The following WDR72 variants were observed in gnomAD, a reference collection of about 807,000 sequenced individuals.
WDR72 encodes WD repeat domain 72.
In WDR72, 120 loss-of-function variants were observed where a neutral mutation model predicts 124.2. That is an observed-to-expected ratio of 0.97 (90% confidence interval 0.83 to 1.12). The LOEUF is 1.12. WDR72 is among the 50% of genes most tolerant of loss of function. WDR72 has a pLI of 0.00. For missense variants in WDR72, 1,387 were observed against 1,278.8 expected, an observed-to-expected ratio of 1.08 and a Z score of -1.29; for synonymous variants, 452 against 441.7, an observed-to-expected ratio of 1.02 and a Z score of -0.29.
Position 53,716,620 on chromosome 15 carries a change from T to C in WDR72, c.326A>G (p.His109Arg), listed in dbSNP as rs1396315349. The C allele has an allele frequency of 1.2e-6, 2 of 1,607,858 alleles. No homozygotes were observed. The highest frequency in any genetic ancestry group is 1.7e-5 in the Admixed American group (1 of 60,006). The stretch of plus-strand genomic sequence containing the variant: ...GAGTGTACTTACACAGATTGCAGTG[T>C]GCCTGTAAGGAAGTGTAGCCTTCTC... ...CMEKATLPYRHTAICYYHCSF... is the reference protein window; with the variant it reads ...CMEKATLPYRRTAICYYHCSF... The change falls in exon 4 of 20, where the codon CAC (histidine) becomes CGC (arginine). Residue 109 changes from histidine (H) to arginine (R), a missense_variant. Coordinates refer to ENST00000360509, the MANE Select transcript of WDR72 (RefSeq NM_182758.4).
At chr15:53,543,504 G>C (rs1893266983) in intron 18 of WDR72, among the ~76,000 whole-genome samples, 1 of 151,178 alleles carries the variant, frequency 6.6e-6, no homozygotes, top group African/African-American at 2.4e-5. Context: ...AGTGTGTAGA[G>C]GGAAATTTAT....
chr15:53,664,954 G>A (rs1292565370), intron 14 of WDR72, among the ~76,000 whole-genome samples: 1 of 152,044 alleles, frequency 6.6e-6, no homozygotes, highest in Non-Finnish European at 1.5e-5. Flanking sequence ...ATTTGGAGGT[G>A]AAAATACAAA....
intron 19 of WDR72, among the ~76,000 whole-genome samples, chr15:53,521,350 C>T (rs972108020): frequency 6.6e-6 from 1 of 152,134 alleles, no homozygotes; most frequent in Admixed American, 6.6e-5. Context: ...ACGATGTCTC[C>T]ATGACAACCA....
At chr15:53,711,036 G>C in intron 8 of WDR72, 83 bp from the exon 9 acceptor site, 1 of 1,175,028 alleles carries the variant, frequency 8.5e-7, no homozygotes, top group South Asian at 1.3e-5. Context: ...TTCAAAAGCC[G>C]GATGGTACCG....
intron 18 of WDR72, among the ~76,000 whole-genome samples, chr15:53,571,102 G>T (rs1436564249): frequency 6.6e-6 from 1 of 151,992 alleles, no homozygotes; most frequent in Non-Finnish European, 1.5e-5. Context: ...AGTACACAGG[G>T]ACACAAAAAT....
At chr15:53,555,311 G>A (rs1008251021) in intron 18 of WDR72, among the ~76,000 whole-genome samples, 1 of 151,752 alleles carries the variant, frequency 6.6e-6, no homozygotes, top group Non-Finnish European at 1.5e-5. Context: ...GAGGCAGGGC[G>A]GACCCACGAA....
intron 13 of WDR72, among the ~76,000 whole-genome samples, chr15:53,683,354 C>G (rs866425753): frequency 6.6e-6 from 1 of 152,058 alleles, no homozygotes; most frequent in Non-Finnish European, 1.5e-5. Flanking sequence ...TTGTTCCCAA[C>G]ACATAGAAAT....
In WDR72 at chr15:53,687,129, C is replaced by A. The variant is rs1330696473; in HGVS notation, c.1765+12621G>T. 4.0e-5 allele frequency among the ~76,000 whole-genome samples: 6 copies of A among 148,846 alleles called. 1 individual carries two copies. Among genetic ancestry groups the A allele is most frequent in the Admixed American group, 2.0e-4 (3 of 15,004 alleles). ...AAGCAGGAAAGATCCAAAATTGACACCCTAACATCACAATTAAAAGAACTA... is the reference window on the plus strand; with the variant it reads ...AAGCAGGAAAGATCCAAAATTGACAACCTAACATCACAATTAAAAGAACTA... On this transcript the variant is annotated intron_variant, in intron 13 of 19. Coordinates refer to ENST00000360509, the MANE Select transcript of WDR72 (RefSeq NM_182758.4).
intron 18 of WDR72, among the ~76,000 whole-genome samples, chr15:53,529,076 T>C (rs1235651682): frequency 1.3e-5 from 2 of 150,146 alleles, no homozygotes; most frequent in African/African-American, 4.9e-5. Context: ...CAAAAGGAAG[T>C]CTGCATAAAG....
chr15:53,546,975 C>T (rs1314509062), intron 18 of WDR72, among the ~76,000 whole-genome samples: 1 of 152,076 alleles, frequency 6.6e-6, no homozygotes, highest in Non-Finnish European at 1.5e-5. Flanking sequence ...GAAAGAAAAG[C>T]CATTAGACAA....
chr15:53,647,130 T>A (rs1419696795), intron 14 of WDR72, among the ~76,000 whole-genome samples: 1 of 152,118 alleles, frequency 6.6e-6, no homozygotes, highest in African/African-American at 2.4e-5. Context: ...TAGAAAATCA[T>A]ATAACTCCAT....
At chr15:53,683,858 C>A (rs2016492708) in intron 13 of WDR72, among the ~76,000 whole-genome samples, 1 of 152,048 alleles carries the variant, frequency 6.6e-6, no homozygotes, top group African/African-American at 2.4e-5. Context: ...TTCACTTATA[C>A]TTCCCAACTG....
chr15:53,713,423 A>ATTTTG lies in WDR72; in HGVS notation c.592-533_592-532insCAAAA, dbSNP rs1333949162. On this transcript the variant is annotated intron_variant, in intron 6 of 19. Transcript: ENST00000360509. The stretch of plus-strand genomic sequence containing the variant: ...ATTTTATTTTGTTGTATTTTATTTT[A>ATTTTG]TTTTATTTTATTTTATTTTATTTTA... Among the ~76,000 whole-genome samples the ATTTTG allele has an allele frequency of 3.0e-3, 389 of 128,152 alleles. 7 individuals are homozygous for ATTTTG. Among genetic ancestry groups the ATTTTG allele is most frequent in the African/African-American group, 0.01 (358 of 34,980 alleles). The allele number at this position is 128,152 out of a possible 152,430, so 84.1% of individuals were successfully genotyped here.
chr15:53,693,259 C>G (rs1000589176), intron 13 of WDR72, among the ~76,000 whole-genome samples: 1 of 152,098 alleles, frequency 6.6e-6, no homozygotes, highest in Non-Finnish European at 1.5e-5. Context: ...AAGAAGGTGA[C>G]CAAGTAAAAC....
rs141599038 is a variant in WDR72, at chr15:53,728,976, A to G, written c.153+4021T>C. ...GACTGAGGCACATCTTCAAACCCCTATTGAATACTTGGGCACTCTGAGACG... is the reference window on the plus strand; with the variant it reads ...GACTGAGGCACATCTTCAAACCCCTGTTGAATACTTGGGCACTCTGAGACG... On this transcript the variant is annotated intron_variant, in intron 2 of 19. Transcript: ENST00000360509. 6.6e-5 allele frequency among the ~76,000 whole-genome samples: 10 copies of G among 152,170 alleles called. No homozygotes were observed. In the South Asian group the frequency reaches 1.0e-3, roughly 16 times the overall value.
At chr15:53,665,822 A>G (rs952957945) in intron 13 of WDR72, 54 bp from the exon 14 acceptor site, 2 of 1,536,202 alleles carry the variant, frequency 1.3e-6, no homozygotes, top group Non-Finnish European at 9.0e-7. Flanking sequence ...CCCCAACAGA[A>G]TAAGACAGAA....
chr15:53,690,456 C>T (rs941979088), intron 13 of WDR72, among the ~76,000 whole-genome samples: 8 of 152,132 alleles, frequency 5.3e-5, no homozygotes, highest in Non-Finnish European at 1.0e-4. Context: ...ACAACCACAT[C>T]TCCTGACAAC....
intron 14 of WDR72, among the ~76,000 whole-genome samples, chr15:53,651,803 A>G (rs1490646353): frequency 6.6e-6 from 1 of 151,936 alleles, no homozygotes; most frequent in Non-Finnish European, 1.5e-5. Flanking sequence ...AAGGTGCGCG[A>G]CACCATGCCG....
At chr15:53,711,170 T>C in intron 8 of WDR72, 166 bp downstream of exon 8, 2 of 1,026,356 alleles carry the variant, frequency 1.9e-6, no homozygotes, top group Non-Finnish European at 2.9e-6. Context: ...CCTGCTGTTT[T>C]GTACAAAGGC....
Sources: allele counts gnomAD v4.1 joint callset (sites outside exome capture counted in the v4.1 genomes callset), GRCh38; gene constraint gnomAD v4.1.1; transcripts MANE v1.5; gene names NCBI Gene and HGNC (gene_info 2026-07-23, HGNC 2026-07-21).